Variants in ATP11A observed in about 807,000 individuals in gnomAD.
ATP11A encodes ATPase phospholipid transporting 11A.
ATP11A carries 81 observed loss-of-function variants against 154.4 expected under a neutral mutation model. The observed-to-expected ratio is 0.52, with a 90% CI of 0.44 to 0.63. ATP11A has a LOEUF of 0.63. Ranked by LOEUF, ATP11A falls within the 30% of genes least tolerant of loss-of-function variation. The probability of loss-of-function intolerance (pLI) is 0.00; values close to 1 mark genes in which losing one functional copy is unlikely to be tolerated. For missense variants in ATP11A, 1,316 were observed against 1,474.3 expected (o/e 0.89, Z 1.76); for synonymous variants, 623 against 585.9 (o/e 1.06, Z -0.91).
At chr13:112,834,783 T>G in intron 15 of ATP11A, 123 bp downstream of exon 15, 1 of 729,028 alleles carries the variant, frequency 1.4e-6, no homozygotes, top group Non-Finnish European at 2.3e-6. Context: ...CTTCCTCTCC[T>G]TCCCAGTGAC....
intron 1 of ATP11A, among the ~76,000 whole-genome samples, chr13:112,762,570 A>G (rs771750957): frequency 3.3e-5 from 5 of 152,172 alleles, no homozygotes; most frequent in Non-Finnish European, 4.4e-5. Flanking sequence ...TCACCCGAAG[A>G]TAAGAGCCAG....
At chr13:112,836,690 G>A (rs962204899) in intron 16 of ATP11A, among the ~76,000 whole-genome samples, 1 of 152,270 alleles carries the variant, frequency 6.6e-6, no homozygotes, top group Admixed American at 6.5e-5. Flanking sequence ...AAGTTGCAAA[G>A]TGAGCTTTGT....
chr13:112,772,777 C>T (rs1030952297), intron 1 of ATP11A, among the ~76,000 whole-genome samples: 17 of 152,248 alleles, frequency 1.1e-4, no homozygotes, highest in Admixed American at 2.0e-4. Context: ...TGCCACTTGG[C>T]GGGGTCACCC....
intron 5 of ATP11A, 123 bp from the exon 6 acceptor site, chr13:112,815,960 C>G: frequency 7.4e-7 from 1 of 1,352,708 alleles, no homozygotes; most frequent in Non-Finnish European, 1.0e-6. Context: ...TTCCTGAAAC[C>G]GTGTCCACAT....
intron 1 of ATP11A, among the ~76,000 whole-genome samples, chr13:112,704,932 C>T (rs1337629628): frequency 1.3e-5 from 2 of 152,170 alleles, no homozygotes; most frequent in South Asian, 2.1e-4. Flanking sequence ...CAGCGGGACC[C>T]CTGGTGTGGG....
rs527449378 is a variant in ATP11A at position 112,808,090 on chromosome 13, C to T, written c.333+1797C>T. On this transcript the variant is annotated intron_variant, in intron 4 of 29. Transcript: ENST00000375645. ...AGACGCATCTGGGCCAGAGAGGCAGCGGCCGGGGAGCCCGAGCCCCCATGG... is the reference window on the plus strand; with the variant it reads ...AGACGCATCTGGGCCAGAGAGGCAGTGGCCGGGGAGCCCGAGCCCCCATGG... Among the ~76,000 whole-genome samples, 20 of 152,106 alleles carry T rather than the reference C, an allele frequency of 1.3e-4. No homozygotes were observed. In the East Asian group the frequency reaches 3.3e-3, roughly 25 times the overall value.
intron 1 of ATP11A, among the ~76,000 whole-genome samples, chr13:112,722,127 TCA>T (rs1889271779): frequency 1.3e-5 from 2 of 152,154 alleles, no homozygotes; most frequent in Non-Finnish European, 2.9e-5. Flanking sequence ...CCATGGCCTG[TCA>T]CACAGTCCTC....
chr13:112,883,112 C>T lies in ATP11A; in HGVS notation c.*1246C>T, dbSNP rs2080921570. 2 of 242,880 alleles carry T rather than the reference C, an allele frequency of 8.2e-6. No individual in the cohort carries two copies. Among genetic ancestry groups the T allele is most frequent in the Non-Finnish European group, 6.8e-6 (1 of 146,706 alleles). 15.0% of individuals were successfully genotyped at this position (242,880 alleles called of 1,614,324 possible). On this transcript the variant is annotated 3_prime_UTR_variant, in exon 30 of 30. Coordinates refer to ENST00000375645, the MANE Select transcript of ATP11A (RefSeq NM_015205.3). ...TTGTCCTGTCACCTCGTCCCCACGTCCCCTCGTCTCCTCATCCCCACGTCC... is the reference window on the plus strand; with the variant it reads ...TTGTCCTGTCACCTCGTCCCCACGTTCCCTCGTCTCCTCATCCCCACGTCC...
At chr13:112,732,216 T>C (rs1890557805) in intron 1 of ATP11A, among the ~76,000 whole-genome samples, 2 of 152,210 alleles carry the variant, frequency 1.3e-5, no homozygotes, top group African/African-American at 4.8e-5. Flanking sequence ...GGTTCCTCCA[T>C]TGCACTCAGG....
chr13:112,808,113 T>C lies in ATP11A; in HGVS notation c.333+1820T>C, dbSNP rs2078374860. 7.9e-5 allele frequency among the ~76,000 whole-genome samples: 12 copies of C among 152,092 alleles called. No homozygotes were observed. The South Asian group carries it at 2.5e-3, about 32-fold the overall frequency. On this transcript the variant is annotated intron_variant, in intron 4 of 29. Coordinates refer to ENST00000375645, the MANE Select transcript of ATP11A (RefSeq NM_015205.3). ...AGCGGCCGGGGAGCCCGAGCCCCCA[T>C]GGATGCAGAGGCTGCCTCTCTACAC...
intron 1 of ATP11A, among the ~76,000 whole-genome samples, chr13:112,765,217 A>G (rs1434055026): frequency 7.2e-6 from 1 of 139,330 alleles, no homozygotes; most frequent in African/African-American, 2.7e-5. Flanking sequence ...GGACACAGAC[A>G]GGAGAGGTGA....
Position 112,862,472 on chromosome 13 carries a change from G to A in ATP11A, c.2888G>A (p.Arg963His), listed in dbSNP as rs778847637. The A allele has an allele frequency of 2.7e-5, 44 of 1,613,966 alleles. 1 individual carries two copies. Among genetic ancestry groups the A allele is most frequent in the East Asian group, 2.4e-4 (11 of 44,902 alleles). Residue 963 changes from arginine (R) to histidine (H), a missense_variant, in exon 25 of 30, where the codon CGC becomes CAC. By Grantham distance (29) the Arg-to-His change is conservative (BLOSUM62 0). This residue lies in a region of ATP11A where 294 missense variants were observed against 290.2 expected (regional missense o/e 1.01). Coordinates refer to ENST00000375645, the MANE Select transcript of ATP11A (RefSeq NM_015205.3). ...DVAKNALLRWRVFIYWTLLGL... is the reference protein window; with the variant it reads ...DVAKNALLRWHVFIYWTLLGL... ...GCCAAGAATGCCCTGCTGCGCTGGC[G>A]CGTGTTCATCTACTGGACGCTCCTG...
rs542672468 is a variant in ATP11A, at chr13:112,881,507, C to T, written c.*10-369C>T. Reference sequence around the variant, plus strand: ...ACAGGGAGGAAGCTCGTAGGTTTCCCGTCCATGGCCTGTATCCCTGGGGCC... The same window carrying T: ...ACAGGGAGGAAGCTCGTAGGTTTCCTGTCCATGGCCTGTATCCCTGGGGCC... On this transcript the variant is annotated intron_variant, in intron 29 of 29. Transcript: ENST00000375645. 1.5e-4 allele frequency: 165 copies of T among 1,102,738 alleles called. No homozygotes were observed. The South Asian group carries it at 2.7e-3, about 18-fold the overall frequency. 68.3% of individuals were successfully genotyped at this position (1,102,738 alleles called of 1,614,324 possible).
intron 1 of ATP11A, among the ~76,000 whole-genome samples, chr13:112,711,293 C>G (rs950194730): frequency 6.6e-6 from 1 of 152,130 alleles, no homozygotes; most frequent in Non-Finnish European, 1.5e-5. Context: ...AAAATTGTCC[C>G]AAATTACTTG....
In ATP11A at chr13:112,832,886, C is replaced by T. The variant is rs1284981728; in HGVS notation, c.1422C>T (p.Ala474=). The T allele has an allele frequency of 1.9e-6, 3 of 1,613,754 alleles. No homozygotes were observed. The highest frequency in any genetic ancestry group is 2.2e-5 in the South Asian group (2 of 91,030). ...GREREELFFR[A]LCLCHTVQVK... Reference sequence around the variant, plus strand: ...AGCGCGAGGAGCTGTTTTTCCGGGCCCTCTGTCTCTGCCACACCGTCCAGG... The same window carrying T: ...AGCGCGAGGAGCTGTTTTTCCGGGCTCTCTGTCTCTGCCACACCGTCCAGG... Residue 474 remains alanine, a synonymous_variant, in exon 14 of 30, where the codon GCC becomes GCT. Coordinates refer to ENST00000375645, the MANE Select transcript of ATP11A (RefSeq NM_015205.3).
intron 1 of ATP11A, among the ~76,000 whole-genome samples, chr13:112,727,646 A>G (rs1890019454): frequency 6.6e-6 from 1 of 152,120 alleles, no homozygotes; most frequent in Admixed American, 6.5e-5. Flanking sequence ...TAGAGGCTCC[A>G]CACACCATGC....
intron 1 of ATP11A, among the ~76,000 whole-genome samples, chr13:112,698,180 T>C (rs1328763879): frequency 6.6e-6 from 1 of 152,132 alleles, no homozygotes; most frequent in African/African-American, 2.4e-5. Flanking sequence ...TTTGGAAGTC[T>C]CGTGACTCCT....
Position 112,845,804 on chromosome 13 carries a change from G to GCGGTACTAACCAGTCCAGT in ATP11A, c.1809+3425_1809+3426insCGGTACTAACCAGTCCAGT, listed in dbSNP as rs1566564994. On this transcript the variant is annotated intron_variant, in intron 17 of 29. Coordinates refer to ENST00000375645, the MANE Select transcript of ATP11A (RefSeq NM_015205.3). ...TAACCAGTCCAGTTTCCAGGCACTA[G>GCGGTACTAACCAGTCCAGT]TGATACTAACCAGTCCAGTTGCCGG... is the stretch of plus-strand genomic sequence containing the variant. Among the ~76,000 whole-genome samples the GCGGTACTAACCAGTCCAGT allele has an allele frequency of 1.3e-4, 10 of 79,820 alleles. 1 individual carries two copies. The highest frequency in any genetic ancestry group is 2.5e-4 in the African/African-American group (5 of 20,128). The allele number at this position is 79,820 out of a possible 152,430, so 52.4% of individuals were successfully genotyped here.
At chr13:112,762,293 T>G (rs1157057413) in intron 1 of ATP11A, among the ~76,000 whole-genome samples, 1 of 152,108 alleles carries the variant, frequency 6.6e-6, no homozygotes, top group Non-Finnish European at 1.5e-5. Context: ...CATTTCTGCA[T>G]CATTCCTGAT....
Sources: gnomAD v4.1 joint callset for allele counts (sites outside exome capture counted in the v4.1 genomes callset) on GRCh38, gnomAD v4.1.1 for gene constraint, gnomAD v4.1.1 regional missense constraint, MANE v1.5 for transcripts, NCBI Gene and HGNC (gene_info 2026-07-23, HGNC 2026-07-21) for gene names.